Variants in DOCK4 observed in about 807,000 individuals in gnomAD.
DOCK4 encodes dedicator of cytokinesis protein 4.
Under a neutral mutation model 268.1 loss-of-function variants are expected in DOCK4, and 97 were observed. That is an observed-to-expected ratio of 0.36 (90% confidence interval 0.31 to 0.43). The LOEUF (loss-of-function observed/expected upper bound fraction) is 0.43, where lower values mean the gene tolerates loss of function less well. Ranked by LOEUF, DOCK4 falls within the 20% of genes least tolerant of loss-of-function variation. The probability of loss-of-function intolerance (pLI) is 1.00; values close to 1 mark genes in which losing one functional copy is unlikely to be tolerated. For synonymous variants in DOCK4, 954 were observed against 887.2 expected (o/e 1.08, Z -1.34); for missense variants, 2,145 against 2,455.7 (o/e 0.87, Z 2.67).
At chr7:111,969,072 A>AG (rs1227061171) in intron 8 of DOCK4, among the ~76,000 whole-genome samples, 4 of 88,568 alleles carry the variant, frequency 4.5e-5, no homozygotes, top group South Asian at 9.5e-4. Context: ...GGGTCGGGGG[A>AG]GGGGGGAGGG....
chr7:111,767,047 G>A lies in DOCK4; in HGVS notation c.3900C>T (p.Asn1300=). 6.2e-7 allele frequency: 1 copy of A among 1,613,594 alleles called. No homozygotes were observed. The highest frequency in any genetic ancestry group is 8.5e-7 in the Non-Finnish European group (1 of 1,179,698). The change falls in exon 38 of 53, where the codon AAC becomes AAT. Residue 1300 remains asparagine (N), a synonymous_variant. Transcript: ENST00000428084. ...GGCACCTTACCCGCATCTTGCTCAG[G>A]TTTCTGTAGTCATAATAACTCTCAT... is the stretch of plus-strand genomic sequence containing the variant. ...EQYESYYDYR[N]LSKMRMMEAS...
intron 1 of DOCK4, among the ~76,000 whole-genome samples, chr7:112,176,499 C>T (rs1818520684): frequency 6.6e-6 from 1 of 152,052 alleles, no homozygotes; most frequent in African/African-American, 2.4e-5. Flanking sequence ...TTATTAATAA[C>T]AATATAAAAT....
intron 23 of DOCK4, among the ~76,000 whole-genome samples, chr7:111,851,048 T>A (rs74410585): frequency 6.6e-6 from 1 of 151,944 alleles, no homozygotes; most frequent in Non-Finnish European, 1.5e-5. Context: ...GATACACATA[T>A]GTTAAAAACA....
intron 8 of DOCK4, among the ~76,000 whole-genome samples, chr7:111,956,905 A>T (rs2134938141): frequency 6.6e-6 from 1 of 152,334 alleles, no homozygotes; most frequent in East Asian, 1.9e-4. Flanking sequence ...TTCCATTCCA[A>T]TAGCTTTTAC....
At chr7:111,784,558 C>T in intron 32 of DOCK4, 1 of 438,574 alleles carries the variant, frequency 2.3e-6, no homozygotes, top group Admixed American at 2.4e-5. Flanking sequence ...CATTTTGTCA[C>T]TAATCACAGA....
chr7:112,084,103 A>C (rs2135729067), intron 1 of DOCK4, among the ~76,000 whole-genome samples: 1 of 152,322 alleles, frequency 6.6e-6, no homozygotes, highest in East Asian at 1.9e-4. Flanking sequence ...ATCCACAGTG[A>C]GGACCTAAAC....
chr7:111,829,165 CTCTCCT>C (rs1376935851), intron 26 of DOCK4, among the ~76,000 whole-genome samples: 4 of 152,168 alleles, frequency 2.6e-5, no homozygotes, highest in African/African-American at 9.7e-5. Flanking sequence ...CCCCAAGTAA[CTCTCCT>C]TCTATTAATC....
At chr7:111,790,097 C>T (rs1799427000) in intron 31 of DOCK4, among the ~76,000 whole-genome samples, 1 of 152,128 alleles carries the variant, frequency 6.6e-6, no homozygotes, top group African/African-American at 2.4e-5. Flanking sequence ...TTGCCAAATA[C>T]AATGTGCAGA....
intron 1 of DOCK4, among the ~76,000 whole-genome samples, chr7:112,087,095 G>A (rs1809163150): frequency 6.6e-6 from 1 of 152,122 alleles, no homozygotes; most frequent in African/African-American, 2.4e-5. Flanking sequence ...GGCTAGGGCT[G>A]TGGTGAGCTA....
intron 16 of DOCK4, among the ~76,000 whole-genome samples, chr7:111,894,601 C>T (rs1163487608): frequency 6.6e-6 from 1 of 152,100 alleles, no homozygotes; most frequent in Non-Finnish European, 1.5e-5. Flanking sequence ...GAGCAGAAGA[C>T]ACTCAGAGGG....
intron 8 of DOCK4, among the ~76,000 whole-genome samples, chr7:111,957,705 G>A (rs1796553363): frequency 6.6e-6 from 1 of 152,118 alleles, no homozygotes; most frequent in Admixed American, 6.5e-5. Flanking sequence ...TGTTCCCAGT[G>A]TCCAAATGAG....
intron 26 of DOCK4, among the ~76,000 whole-genome samples, chr7:111,824,390 G>A (rs1053560520): frequency 1.3e-4 from 20 of 152,040 alleles, no homozygotes; most frequent in Non-Finnish European, 2.6e-4. Flanking sequence ...CTATCTTGGT[G>A]CATTTGCTTA....
chr7:112,024,053 C>T (rs1412149566), intron 1 of DOCK4, among the ~76,000 whole-genome samples: 3 of 152,248 alleles, frequency 2.0e-5, no homozygotes, highest in African/African-American at 4.8e-5. Context: ...ATCATGTATA[C>T]GTGAATTCTG....
intron 8 of DOCK4, among the ~76,000 whole-genome samples, chr7:111,974,698 A>G (rs566638520): frequency 6.6e-5 from 10 of 152,158 alleles, no homozygotes; most frequent in African/African-American, 1.9e-4. Flanking sequence ...ATTACAGACC[A>G]GGAAAACTAC....
At chr7:111,777,873 G>A (rs1585955838) in intron 36 of DOCK4, among the ~76,000 whole-genome samples, 2 of 152,286 alleles carry the variant, frequency 1.3e-5, no homozygotes, top group South Asian at 4.1e-4. Flanking sequence ...TGATTGTGAG[G>A]CCTCCCCAGC....
rs11984197 is a variant in DOCK4, at chr7:112,066,906, A to G, written c.38-62775T>C. ...ATGCCTGTAATCCCAGCACTTTGGG[A>G]AGCTGAAGCAGGAGGACTGCTTGAG... On this transcript the variant is annotated intron_variant, in intron 1 of 52. Transcript: ENST00000428084. Among the ~76,000 whole-genome samples the G allele has an allele frequency of 4.9e-3, 736 of 150,640 alleles. 7 individuals are homozygous for G. The highest frequency in any genetic ancestry group is 0.017 in the African/African-American group (680 of 40,946).
intron 13 of DOCK4, among the ~76,000 whole-genome samples, chr7:111,912,073 C>T (rs1217830335): frequency 6.6e-6 from 1 of 152,182 alleles, no homozygotes; most frequent in Non-Finnish European, 1.5e-5. Flanking sequence ...GTTCTCTCAG[C>T]CTTCCTTGCA....
chr7:111,735,244 A>C lies in DOCK4; in HGVS notation c.5306-77T>G, dbSNP rs1210819359. 3.2e-6 allele frequency: 3 copies of C among 947,704 alleles called. No homozygotes were observed. The East Asian group carries it at 8.2e-5, about 26-fold the overall frequency. The allele number at this position is 947,704 out of a possible 1,614,324, so 58.7% of individuals were successfully genotyped here. A position where few individuals can be genotyped will look rare whatever the true frequency, so the allele number is the denominator to read the frequency against. On this transcript the variant is annotated intron_variant, in intron 50 of 52. Transcript: ENST00000428084. ...ATGCTTGAGATCTTAGAAGAAAGTC[A>C]GAATTATCCAGAATGAAAAACTTAA...
At position 111,877,058 on chromosome 7, in the gene DOCK4, A is replaced by C. The variant is rs768680283; in HGVS notation, c.1716T>G (p.Phe572Leu). 6.4e-7 allele frequency: 1 copy of C among 1,564,962 alleles called. No homozygotes were observed. The highest frequency in any genetic ancestry group is 1.2e-5 in the South Asian group (1 of 82,548). ...ATKESFCITSFLCSTKLTQNG... is the reference protein window; with the variant it reads ...ATKESFCITSLLCSTKLTQNG... ...TTTGTGTGAGTTTTGTGGAACAGAG[A>C]AAAGATGTAATACAAAAGGACTCCT... Residue 572 changes from phenylalanine (F) to leucine (L), a missense_variant, in exon 17 of 53, where the codon TTT becomes TTG. Transcript: ENST00000428084.
Sources: allele counts gnomAD v4.1 joint callset (sites outside exome capture counted in the v4.1 genomes callset), GRCh38; gene constraint gnomAD v4.1.1; transcripts MANE v1.5; gene names NCBI Gene and HGNC (gene_info 2026-07-23, HGNC 2026-07-21).